The following AKAP9 variants were observed in gnomAD, a reference collection of about 807,000 sequenced individuals.
The protein encoded by AKAP9 is A-kinase anchoring protein 9.
AKAP9 carries 311 observed loss-of-function variants against 488.5 expected under a neutral mutation model. The ratio of observed to expected loss-of-function variants is 0.64; its 90% CI spans 0.58 to 0.70. The LOEUF (loss-of-function observed/expected upper bound fraction) is 0.70. Among genes scored for constraint, AKAP9 ranks in the 30% least tolerant of loss-of-function variants. The pLI is 0.00. For synonymous variants in AKAP9, 1,462 were observed against 1,483.5 expected, an observed-to-expected ratio of 0.99 and a Z score of 0.33; for missense variants, 4,215 against 4,374.5, an observed-to-expected ratio of 0.96 and a Z score of 1.03.
At chr7:91,944,775 G>T (rs1791226470) in intron 1 of AKAP9, among the ~76,000 whole-genome samples, 1 of 152,188 alleles carries the variant, frequency 6.6e-6, no homozygotes, top group Non-Finnish European at 1.5e-5. Flanking sequence ...TCCAGAACAG[G>T]AAAATGAGGC....
At chr7:92,100,834 A>C in intron 44 of AKAP9, 22 bp from the exon 45 acceptor site, 1 of 1,613,706 alleles carries the variant, frequency 6.2e-7, no homozygotes, top group Non-Finnish European at 8.5e-7. Context: ...AGACTTGTGT[A>C]AGTAGGCTGT....
chr7:92,086,161 A>G (rs1814521938), intron 36 of AKAP9, 67 bp from the exon 37 acceptor site: 1 of 1,280,136 alleles, frequency 7.8e-7, no homozygotes, highest in Non-Finnish European at 1.1e-6. Context: ...TTGTAGATTA[A>G]TATTTTTAGA....
chr7:92,082,700 T>C, intron 32 of AKAP9, 38 bp downstream of exon 32: 3 of 1,607,394 alleles, frequency 1.9e-6, no homozygotes, highest in East Asian at 2.2e-5. Context: ...CACTCATTTC[T>C]ACCTATCTTA....
intron 28 of AKAP9, among the ~76,000 whole-genome samples, chr7:92,075,101 T>A (rs200249403): frequency 4.1e-5 from 6 of 147,062 alleles, no homozygotes; most frequent in Middle Eastern, 3.4e-3. Context: ...AAAAAAAAAA[T>A]AAAACACAAG....
chr7:92,081,266 A>G (rs953978337), intron 31 of AKAP9, among the ~76,000 whole-genome samples: 1 of 151,542 alleles, frequency 6.6e-6, no homozygotes, highest in Non-Finnish European at 1.5e-5. Flanking sequence ...ATTTAATAGC[A>G]TCTACTGAAT....
chr7:91,976,365 G>C (rs927302321), intron 2 of AKAP9, among the ~76,000 whole-genome samples: 1 of 152,118 alleles, frequency 6.6e-6, no homozygotes, highest in African/African-American at 2.4e-5. Flanking sequence ...GGGACTACAG[G>C]CCCATGCCAC....
At chr7:92,073,167 C>T (rs1024691812) in intron 28 of AKAP9, among the ~76,000 whole-genome samples, 1 of 151,986 alleles carries the variant, frequency 6.6e-6, no homozygotes, top group African/African-American at 2.4e-5. Context: ...ATTAAGGAGA[C>T]ATATGTACAT....
rs9784993 is a variant in AKAP9 at position 92,043,089 on chromosome 7, G to A, written c.5162+318G>A. ...TTTGTAGAGGTTAATATAAAAATGT[G>A]AAATATTAAGTGAGAATAGTTATCC... On this transcript the variant is annotated intron_variant, in intron 20 of 49. Transcript: ENST00000356239. 82,178 of 204,400 alleles carry A rather than the reference G, an allele frequency of 0.4. 17,291 individuals carry two copies. The highest frequency in any genetic ancestry group is 0.51 in the African/African-American group (21,928 of 42,620). 12.7% of individuals were successfully genotyped at this position (204,400 alleles called of 1,614,324 possible).
At chr7:92,035,509 C>T (rs1410691750) in intron 16 of AKAP9, among the ~76,000 whole-genome samples, 1 of 152,158 alleles carries the variant, frequency 6.6e-6, no homozygotes, top group African/African-American at 2.4e-5. Context: ...GGTATGCTGA[C>T]AATGAGTTCA....
chr7:92,003,236 G>A lies in AKAP9; in HGVS notation c.3318+1G>A, dbSNP rs1344844788. The stretch of plus-strand genomic sequence containing the variant: ...ACTCAATGTACTTAAATCAGAACAG[G>A]TATGTTTACTTCTTCATATATGGTA... On this transcript the variant is annotated splice_donor_variant, in intron 8 of 49. Coordinates refer to ENST00000356239, the MANE Select transcript of AKAP9 (RefSeq NM_005751.5). LOFTEE classifies it high-confidence loss of function. 6.3e-7 allele frequency: 1 copy of A among 1,576,784 alleles called. No homozygotes were observed. The highest frequency in any genetic ancestry group is 2.2e-5 in the East Asian group (1 of 44,620).
intron 3 of AKAP9, among the ~76,000 whole-genome samples, chr7:91,985,635 G>A (rs1796972578): frequency 6.6e-6 from 1 of 151,802 alleles, no homozygotes. Context: ...TTTAAGTTAG[G>A]GAGGATTCCC....
chr7:92,002,987 G>T lies in AKAP9; in HGVS notation c.3070G>T (p.Val1024Leu). The stretch of plus-strand genomic sequence containing the variant: ...AGTAAGCTCTTTATTAGATGGAGTT[G>T]TGACCATGACAAGCAGGGGTGCTGA... ...TQVSSLLDGV[V>L]TMTSRGAEGS... Residue 1024 changes from valine to leucine, a missense_variant, in exon 8 of 50, where the codon GTG becomes TTG. Coordinates refer to ENST00000356239, the MANE Select transcript of AKAP9 (RefSeq NM_005751.5). 1 of 1,613,556 alleles carries T rather than the reference G, an allele frequency of 6.2e-7. No homozygotes were observed. Among genetic ancestry groups the T allele is most frequent in the Non-Finnish European group, 8.5e-7 (1 of 1,179,624 alleles).
intron 1 of AKAP9, among the ~76,000 whole-genome samples, chr7:91,947,974 C>G (rs948938497): frequency 2.0e-5 from 3 of 152,166 alleles, no homozygotes; most frequent in Non-Finnish European, 4.4e-5. Flanking sequence ...TTCCCTCTAG[C>G]CACTAACAAT....
Position 92,038,278 on chromosome 7 carries a change from T to A in AKAP9, c.4339-141T>A, listed in dbSNP as rs989016380. On this transcript the variant is annotated intron_variant, in intron 16 of 49. Coordinates refer to ENST00000356239, the MANE Select transcript of AKAP9 (RefSeq NM_005751.5). ...AAAAGAGAATCCATCTCGGTATTACTTTATTATAGGATTTCTTTTTGTTTA... is the reference window on the plus strand; with the variant it reads ...AAAAGAGAATCCATCTCGGTATTACATTATTATAGGATTTCTTTTTGTTTA... 6.8e-6 allele frequency: 4 copies of A among 590,706 alleles called. No homozygotes were observed. The African/African-American group carries it at 7.5e-5, about 11-fold the overall frequency. The allele number at this position is 590,706 out of a possible 1,614,324, so 36.6% of individuals were successfully genotyped here.
rs777124971 is a variant in AKAP9 at position 91,992,164 on chromosome 7, G to A, written c.358G>A (p.Gly120Ser). Residue 120 changes from glycine (G) to serine (S), a missense_variant, in exon 4 of 50, where the codon GGT (glycine) becomes AGT (serine). By Grantham distance (56) the Gly-to-Ser change is moderately conservative (BLOSUM62 0). Coordinates refer to ENST00000356239, the MANE Select transcript of AKAP9 (RefSeq NM_005751.5). ...TADDCSSEVN[G>S]CSFVMRTGKP... ...GGAAATTGTTTTTATACAGGTAAAT[G>A]GTTGCAGTTTTGTGATGAGAACAGG... The A allele has an allele frequency of 1.2e-6, 2 of 1,608,890 alleles. No homozygotes were observed. The highest frequency in any genetic ancestry group is 2.2e-5 in the South Asian group (2 of 90,926).
chr7:92,086,433 T>C lies in AKAP9; in HGVS notation c.9213+17T>C. 3 of 1,581,124 alleles carry C rather than the reference T, an allele frequency of 1.9e-6. No individual in the cohort carries two copies. Among genetic ancestry groups the C allele is most frequent in the Non-Finnish European group, 2.6e-6 (3 of 1,150,264 alleles). ...CAAGAACAGGTATAATGAAACTTCATTTTAAAAACACTTTAATAGAAATAA... is the reference window on the plus strand; with the variant it reads ...CAAGAACAGGTATAATGAAACTTCACTTTAAAAACACTTTAATAGAAATAA... On this transcript the variant is annotated intron_variant, in intron 37 of 49. Transcript: ENST00000356239.
intron 40 of AKAP9, 44 bp from the exon 41 acceptor site, chr7:92,096,645 T>C: frequency 6.2e-7 from 1 of 1,610,488 alleles, no homozygotes; most frequent in Non-Finnish European, 8.5e-7. Context: ...CCAAGTATTT[T>C]TAATAATATT....
rs1798169035 is a variant in AKAP9, at chr7:91,994,648, CAA to C, written c.606_607del (p.Asp204TrpfsTer9). ...ACAAGAATTTGAAGCTGCCATTAAACAAAGAGATGGCATTATAACCCAGCTCA... is the reference window on the plus strand; with the variant it reads ...ACAAGAATTTGAAGCTGCCATTAAACAGAGATGGCATTATAACCCAGCTCA... ...QLQEFEAAIKQRDGIITQLTA... is the reference protein window; with the variant it reads ...QLQEFEAAIKXRDGIITQLTA... On this transcript the variant is annotated frameshift_variant, in exon 6 of 50. Transcript: ENST00000356239. LOFTEE classifies it high-confidence loss of function. 1 of 1,612,886 alleles carries C rather than the reference CAA, an allele frequency of 6.2e-7. No individual in the cohort carries two copies. Among genetic ancestry groups the C allele is most frequent in the Non-Finnish European group, 8.5e-7 (1 of 1,179,468 alleles).
chr7:92,024,877 A>T (rs2130736971), intron 14 of AKAP9, among the ~76,000 whole-genome samples: 1 of 152,178 alleles, frequency 6.6e-6, no homozygotes, highest in Middle Eastern at 3.4e-3. Flanking sequence ...AAACCTACAT[A>T]TGGGCTTTGG....
Sources: allele counts gnomAD v4.1 joint callset (sites outside exome capture counted in the v4.1 genomes callset), GRCh38; gene constraint gnomAD v4.1.1; transcripts MANE v1.5; gene names NCBI Gene and HGNC (gene_info 2026-07-23, HGNC 2026-07-21).